ITGA1: variants seen among roughly 807,000 people sequenced by gnomAD.
ITGA1 encodes the protein integrin alpha-1.
In ITGA1, 85 loss-of-function variants were observed where a neutral mutation model predicts 145.9. That is an observed-to-expected ratio of 0.58 (90% CI 0.49 to 0.70). ITGA1 has a LOEUF of 0.70. Ranked by LOEUF, ITGA1 falls within the 30% of genes least tolerant of loss-of-function variation. ITGA1 has a pLI of 0.00. For missense variants in ITGA1, 1,351 were observed against 1,418.7 expected (o/e 0.95, Z 0.77); for synonymous variants, 520 against 495.3 (o/e 1.05, Z -0.66).
intron 1 of ITGA1, among the ~76,000 whole-genome samples, chr5:52,834,347 A>G (rs893694437): frequency 1.3e-5 from 2 of 152,078 alleles, no homozygotes; most frequent in African/African-American, 2.4e-5. Flanking sequence ...TTGATTTTTG[A>G]TGAGGCTTCC....
At chr5:52,806,185 C>T (rs1561213974) in intron 1 of ITGA1, among the ~76,000 whole-genome samples, 1 of 149,198 alleles carries the variant, frequency 6.7e-6, no homozygotes, top group Non-Finnish European at 1.5e-5. Flanking sequence ...ATATGTATCT[C>T]TCATGAATTG....
At position 52,915,524 on chromosome 5, in the gene ITGA1, G is replaced by T; in HGVS notation, c.1918G>T (p.Glu640Ter). The T allele has an allele frequency of 6.2e-7, 1 of 1,614,084 alleles. No homozygotes were observed. Among genetic ancestry groups the T allele is most frequent in the Non-Finnish European group, 8.5e-7 (1 of 1,180,000 alleles). ...LKFFGQSIHG[E>*]MDLNGDGLTD... ...ATTTTTTGGCCAGTCTATCCACGGA[G>T]AAATGGATTTAAATGGTGACGGTCT... Residue 640 changes from glutamate (E) to a stop codon, truncating the protein, a stop_gained, in exon 15 of 29, where the codon GAA becomes TAA. Transcript: ENST00000282588. LOFTEE classifies it high-confidence loss of function.
intron 6 of ITGA1, among the ~76,000 whole-genome samples, chr5:52,879,957 A>G (rs1487816410): frequency 1.3e-5 from 2 of 152,220 alleles, no homozygotes; most frequent in Non-Finnish European, 2.9e-5. Flanking sequence ...CATATGTTCT[A>G]TTATTTTTTA....
chr5:52,838,479 G>T (rs551034982), intron 1 of ITGA1, among the ~76,000 whole-genome samples: 2 of 152,134 alleles, frequency 1.3e-5, no homozygotes, highest in African/African-American at 2.4e-5. Context: ...ATTTATTAAT[G>T]TTAATGATTG....
intron 6 of ITGA1, among the ~76,000 whole-genome samples, chr5:52,870,937 C>A (rs1374829854): frequency 6.6e-6 from 1 of 152,196 alleles, no homozygotes; most frequent in East Asian, 1.9e-4. Context: ...CCTATTAGGA[C>A]CTGATTCATC....
At chr5:52,800,687 C>T in intron 1 of ITGA1, 3 of 1,614,150 alleles carry the variant, frequency 1.9e-6, no homozygotes, top group Non-Finnish European at 2.5e-6. Context: ...AAGATGGGGG[C>T]TTACCACACC....
intron 15 of ITGA1, 27 bp from the exon 16 acceptor site, chr5:52,918,705 G>C (rs1260268987): frequency 6.3e-7 from 1 of 1,592,668 alleles, no homozygotes; most frequent in South Asian, 1.2e-5. Context: ...AAAAATGTGT[G>C]AGTAATCCCA....
intron 8 of ITGA1, among the ~76,000 whole-genome samples, chr5:52,892,982 A>G (rs1444042419): frequency 1.3e-5 from 2 of 152,066 alleles, no homozygotes; most frequent in African/African-American, 4.8e-5. Flanking sequence ...TTTACTGTAT[A>G]TAATTTATTG....
rs1230860723 is a variant in ITGA1, at chr5:52,911,597, T to G, written c.1857+1178T>G. ...TACTATATATATAGTGTATCTACTA[T>G]ATATACTATATATATAGTGTATCTA... On this transcript the variant is annotated intron_variant, in intron 14 of 28. Coordinates refer to ENST00000282588, the MANE Select transcript of ITGA1 (RefSeq NM_181501.2). Among the ~76,000 whole-genome samples the G allele has an allele frequency of 2.4e-4, 16 of 67,388 alleles. 1 individual carries two copies. The highest frequency in any genetic ancestry group is 8.1e-4 in the African/African-American group (16 of 19,820). 44.2% of individuals were successfully genotyped at this position (67,388 alleles called of 152,430 possible). A position where few individuals can be genotyped will look rare whatever the true frequency, so the allele number is the denominator to read the frequency against.
At chr5:52,802,048 A>G (rs915664618) in intron 1 of ITGA1, 6 of 486,838 alleles carry the variant, frequency 1.2e-5, no homozygotes, top group African/African-American at 5.8e-5. Context: ...ACGTACTACC[A>G]TCTTGATTAA....
chr5:52,881,775 A>C, intron 6 of ITGA1, 98 bp from the exon 7 acceptor site: 3 of 1,124,932 alleles, frequency 2.7e-6, no homozygotes, highest in Non-Finnish European at 3.8e-6. Context: ...TTGCAAACTC[A>C]TCTGAAATGT....
At chr5:52,843,676 C>A (rs745574730) in intron 1 of ITGA1, among the ~76,000 whole-genome samples, 1 of 152,152 alleles carries the variant, frequency 6.6e-6, no homozygotes, top group Non-Finnish European at 1.5e-5. Flanking sequence ...CATCATGAGA[C>A]TTTTGAGGAT....
intron 7 of ITGA1, among the ~76,000 whole-genome samples, chr5:52,883,626 G>T (rs2456205): frequency 0.3 from 45,167 of 151,924 alleles, 8,807 homozygotes; most frequent in African/African-American, 0.56. Flanking sequence ...CCAGTTCAAA[G>T]TTTTGTGTGT....
chr5:52,857,789 C>T (rs1432275760), intron 2 of ITGA1, among the ~76,000 whole-genome samples: 2 of 152,196 alleles, frequency 1.3e-5, no homozygotes, highest in African/African-American at 4.8e-5. Flanking sequence ...TCATATCATG[C>T]TCATACATGT....
At chr5:52,836,626 C>G (rs926657173) in intron 1 of ITGA1, among the ~76,000 whole-genome samples, 2 of 152,046 alleles carry the variant, frequency 1.3e-5, no homozygotes, top group African/African-American at 2.4e-5. Context: ...AAATCTCTGC[C>G]TTTGTCTACT....
intron 6 of ITGA1, among the ~76,000 whole-genome samples, chr5:52,878,224 G>A (rs1561234999): frequency 6.6e-6 from 1 of 152,184 alleles, no homozygotes; most frequent in Non-Finnish European, 1.5e-5. Flanking sequence ...GCAGTCATCT[G>A]AAGAGAGTCT....
chr5:52,906,966 CA>C (rs745822872), intron 12 of ITGA1, among the ~76,000 whole-genome samples: 41 of 152,304 alleles, frequency 2.7e-4, no homozygotes, highest in Admixed American at 6.5e-4. Flanking sequence ...AGGGTGTCTA[CA>C]AAGGGCAGGC....
intron 1 of ITGA1, among the ~76,000 whole-genome samples, chr5:52,816,132 T>A (rs1561216783): frequency 6.6e-6 from 1 of 152,148 alleles, no homozygotes. Flanking sequence ...TGATTGAGAT[T>A]ATTAACACTT....
intron 27 of ITGA1, among the ~76,000 whole-genome samples, chr5:52,946,470 T>A (rs957206743): frequency 1.3e-5 from 2 of 152,188 alleles, no homozygotes; most frequent in African/African-American, 4.8e-5. Context: ...ATTTGAGAGG[T>A]TTTGATTAGT....
Sources: allele counts gnomAD v4.1 joint callset (sites outside exome capture counted in the v4.1 genomes callset), GRCh38; gene constraint gnomAD v4.1.1; transcripts MANE v1.5; gene names NCBI Gene and HGNC (gene_info 2026-07-23, HGNC 2026-07-21).